PDE11A: variants seen among roughly 807,000 people sequenced by gnomAD.
PDE11A encodes the protein dual 3',5'-cyclic-AMP and -GMP phosphodiesterase 11A.
PDE11A carries 100 observed loss-of-function variants against 100.5 expected under a neutral mutation model. That is an observed-to-expected ratio of 1.00 (90% CI 0.85 to 1.18). PDE11A has a LOEUF of 1.18. Among genes scored for constraint, PDE11A ranks in the 50% most tolerant of loss-of-function variants. PDE11A has a pLI of 0.00. For missense variants in PDE11A, 1,141 were observed against 1,152.6 expected, an observed-to-expected ratio of 0.99 and a Z score of 0.15; for synonymous variants, 381 against 420.8, an observed-to-expected ratio of 0.91 and a Z score of 1.16.
intron 2 of PDE11A, among the ~76,000 whole-genome samples, chr2:178,008,099 A>G (rs2105822885): frequency 1.3e-5 from 2 of 152,330 alleles, no homozygotes; most frequent in South Asian, 2.1e-4. Flanking sequence ...CACAAAGGGA[A>G]TTTTTAAATA....
At chr2:177,873,768 T>C (rs2084184773) in intron 5 of PDE11A, among the ~76,000 whole-genome samples, 2 of 152,364 alleles carry the variant, frequency 1.3e-5, no homozygotes, top group South Asian at 4.1e-4. Flanking sequence ...AGTTATATAG[T>C]ATGTAGCAAA....
Position 177,980,567 on chromosome 2 carries a change from A to G in PDE11A, c.1071+33735T>C, listed in dbSNP as rs112977933. On this transcript the variant is annotated intron_variant, in intron 2 of 19. Transcript: ENST00000286063. Reference sequence around the variant, plus strand: ...TTTTAGCCCAGGTTCAGTGTCTCTGACATCTACACAATTCAATGCAGATTT... The same window carrying G: ...TTTTAGCCCAGGTTCAGTGTCTCTGGCATCTACACAATTCAATGCAGATTT... 2.9e-3 allele frequency among the ~76,000 whole-genome samples: 441 copies of G among 150,970 alleles called. 6 individuals are homozygous for G. Among genetic ancestry groups the G allele is most frequent in the African/African-American group, 0.01 (428 of 41,492 alleles).
intron 4 of PDE11A, among the ~76,000 whole-genome samples, chr2:177,879,014 C>T (rs967618620): frequency 4.6e-5 from 7 of 152,122 alleles, no homozygotes; most frequent in African/African-American, 1.7e-4. Flanking sequence ...TTGAGCAGGA[C>T]ATTTTTTTAA....
chr2:177,648,101 GAC>G (rs1447992811), intron 19 of PDE11A, among the ~76,000 whole-genome samples: 1 of 152,076 alleles, frequency 6.6e-6, no homozygotes, highest in African/African-American at 2.4e-5. Context: ...GACAGAGTGA[GAC>G]CCTGTCTCCA....
At chr2:177,871,605 C>T (rs1053784664) in intron 5 of PDE11A, among the ~76,000 whole-genome samples, 1 of 150,768 alleles carries the variant, frequency 6.6e-6, no homozygotes, top group Non-Finnish European at 1.5e-5. Flanking sequence ...GTGGTTCACG[C>T]CAGCACTTTT....
At chr2:177,987,675 C>G (rs1173148075) in intron 2 of PDE11A, among the ~76,000 whole-genome samples, 1 of 151,876 alleles carries the variant, frequency 6.6e-6, no homozygotes, top group African/African-American at 2.4e-5. Flanking sequence ...AACAAATATT[C>G]TATGCATGAC....
Position 177,840,104 on chromosome 2 carries a change from TAG to T in PDE11A, c.1500+145_1500+146del, listed in dbSNP as rs532642788. On this transcript the variant is annotated intron_variant, in intron 6 of 19. Transcript: ENST00000286063. ...TAGAGTCAGACAAGTTTTTCTAACT[TAG>T]AGTCAACAGTAGGCAATGCTAAAAA... The T allele has an allele frequency of 1.6e-3, 1,241 of 785,334 alleles. 4 individuals are homozygous for T. The highest frequency in any genetic ancestry group is 2.3e-3 in the Non-Finnish European group (1,103 of 480,490). 48.6% of individuals were successfully genotyped at this position (785,334 alleles called of 1,614,324 possible).
intron 9 of PDE11A, among the ~76,000 whole-genome samples, chr2:177,791,602 T>C (rs1250551484): frequency 6.6e-6 from 1 of 151,990 alleles, no homozygotes; most frequent in Non-Finnish European, 1.5e-5. Context: ...CTCTAGTATA[T>C]ACATTTGTGG....
At chr2:177,802,048 CA>C in intron 9 of PDE11A, among the ~76,000 whole-genome samples, 1 of 151,538 alleles carries the variant, frequency 6.6e-6, no homozygotes, top group Non-Finnish European at 1.5e-5. Flanking sequence ...TAAAAGTGGG[CA>C]AAAAAATTGG....
At chr2:178,087,753 C>T (rs143913367) in intron 2 of PDE11A, among the ~76,000 whole-genome samples, 191 of 152,184 alleles carry the variant, frequency 1.3e-3, no homozygotes, top group African/African-American at 4.5e-3. Flanking sequence ...AGTGTGGGAA[C>T]TGTAAGTTTT....
intron 10 of PDE11A, among the ~76,000 whole-genome samples, chr2:177,748,088 C>T (rs944798150): frequency 1.3e-5 from 2 of 152,156 alleles, no homozygotes; most frequent in African/African-American, 4.8e-5. Context: ...CACTGTGTAG[C>T]TTGTGTCTGG....
intron 19 of PDE11A, among the ~76,000 whole-genome samples, chr2:177,658,459 C>T (rs1192277527): frequency 6.6e-6 from 1 of 151,654 alleles, no homozygotes; most frequent in African/African-American, 2.4e-5. Flanking sequence ...CCTCCCCTTC[C>T]CTCCTCTGCC....
intron 5 of PDE11A, among the ~76,000 whole-genome samples, chr2:177,843,864 C>A (rs1415685205): frequency 6.6e-6 from 1 of 152,130 alleles, no homozygotes; most frequent in Non-Finnish European, 1.5e-5. Flanking sequence ...GTCAACTGTA[C>A]CAATCACGAG....
At position 178,085,460 on chromosome 2, in the gene PDE11A, T is replaced by C. The variant is rs74361903; in HGVS notation, c.162+18842A>G. 5.8e-3 allele frequency among the ~76,000 whole-genome samples: 885 copies of C among 151,860 alleles called. 46 individuals carry two copies. In the East Asian group the frequency reaches 0.11, roughly 19 times the overall value. On this transcript the variant is annotated intron_variant, in intron 2 of 20. Transcript: ENST00000358450. ...ACTACTTGGGTGATGGCATCCATACTCCAAACCTGAGCATCAAACAATATT... is the reference window on the plus strand; with the variant it reads ...ACTACTTGGGTGATGGCATCCATACCCCAAACCTGAGCATCAAACAATATT...
At chr2:177,811,302 T>C (rs1301762909) in intron 9 of PDE11A, among the ~76,000 whole-genome samples, 2 of 152,226 alleles carry the variant, frequency 1.3e-5, no homozygotes, top group East Asian at 3.9e-4. Context: ...GAAATTAAAG[T>C]TATTAAAATG....
intron 6 of PDE11A, among the ~76,000 whole-genome samples, chr2:177,829,566 C>T (rs2083278342): frequency 6.6e-6 from 1 of 151,516 alleles, no homozygotes; most frequent in Admixed American, 6.6e-5. Flanking sequence ...GCCTCAGCCT[C>T]CTGAGTAGTT....
Position 177,665,202 on chromosome 2 carries a change from T to C in PDE11A, c.2563-1253A>G, listed in dbSNP as rs537006221. Among the ~76,000 whole-genome samples the C allele has an allele frequency of 2.0e-5, 3 of 151,796 alleles. No homozygotes were observed. In the South Asian group the frequency reaches 6.2e-4, roughly 32 times the overall value. ...AATGTTTCTTTAGAGCTGGCTGCGG[T>C]GGCTCATGCATGTAATCCTAGCACT... On this transcript the variant is annotated intron_variant, in intron 18 of 19. Coordinates refer to ENST00000286063, the MANE Select transcript of PDE11A (RefSeq NM_016953.4).
chr2:177,997,953 C>A, intron 2 of PDE11A: 1 of 1,204,734 alleles, frequency 8.3e-7, no homozygotes, highest in South Asian at 1.2e-5. Flanking sequence ...CTGCGGTAGT[C>A]AAGATACCAA....
intron 9 of PDE11A, among the ~76,000 whole-genome samples, chr2:177,785,832 G>A (rs976936035): frequency 1.3e-5 from 2 of 152,224 alleles, no homozygotes; most frequent in African/African-American, 2.4e-5. Context: ...CGAGGCTGGG[G>A]GAGGGGCGCC....
Sources: allele counts gnomAD v4.1 joint callset (sites outside exome capture counted in the v4.1 genomes callset), GRCh38; gene constraint gnomAD v4.1.1; transcripts MANE v1.5; gene names NCBI Gene and HGNC (gene_info 2026-07-23, HGNC 2026-07-21).